The following HIRA variants were observed in gnomAD, a reference collection of about 807,000 sequenced individuals.
HIRA encodes protein HIRA.
Under a neutral mutation model 126.6 loss-of-function variants are expected in HIRA, and 13 were observed. The observed-to-expected ratio is 0.10, with a 90% CI of 0.07 to 0.16. The LOEUF (loss-of-function observed/expected upper bound fraction) is 0.16. Ranked by LOEUF, HIRA falls within the 10% of genes least tolerant of loss-of-function variation. HIRA has a pLI of 1.00. For synonymous variants in HIRA, 511 were observed against 520.0 expected, an observed-to-expected ratio of 0.98 and a Z score of 0.24; for missense variants, 834 against 1,314.4, an observed-to-expected ratio of 0.63 and a Z score of 5.65.
chr22:19,371,741 T>C (rs1376408358), intron 15 of HIRA, among the ~76,000 whole-genome samples: 1 of 152,254 alleles, frequency 6.6e-6, no homozygotes, highest in Non-Finnish European at 1.5e-5. Flanking sequence ...CCTTTGTGAC[T>C]GGCTTCTTTC....
intron 7 of HIRA, among the ~76,000 whole-genome samples, chr22:19,395,109 C>T (rs1055429087): frequency 3.3e-5 from 5 of 152,196 alleles, no homozygotes; most frequent in African/African-American, 1.2e-4. Flanking sequence ...ACTGCTCCCC[C>T]AGTCTGGACT....
chr22:19,405,113 C>T (rs1300335616), intron 5 of HIRA, among the ~76,000 whole-genome samples: 1 of 152,326 alleles, frequency 6.6e-6, no homozygotes, highest in East Asian at 1.9e-4. Context: ...GTGCTGCTCC[C>T]TGCCTTGTCT....
chr22:19,427,718 AAAGAGCTGAGCAT>A (rs2089499473), intron 1 of HIRA, among the ~76,000 whole-genome samples: 3 of 152,206 alleles, frequency 2.0e-5, no homozygotes, highest in Non-Finnish European at 2.9e-5. Context: ...TGGCTTCACC[AAAGAGCTGAGCAT>A]AAGCGCTGTC....
At chr22:19,356,794 T>C in intron 19 of HIRA, 96 bp downstream of exon 19, 2 of 1,265,396 alleles carry the variant, frequency 1.6e-6, no homozygotes, top group South Asian at 1.4e-5. Flanking sequence ...TGGCCAGCCT[T>C]GTCCACTGCC....
At chr22:19,360,782 T>C (rs1208649151) in intron 17 of HIRA, among the ~76,000 whole-genome samples, 3 of 152,240 alleles carry the variant, frequency 2.0e-5, no homozygotes, top group Non-Finnish European at 4.4e-5. Context: ...CAAGCTTCCA[T>C]TCCAAGAGCT....
chr22:19,383,550 A>T, intron 13 of HIRA, 70 bp downstream of exon 13: 1 of 1,241,892 alleles, frequency 8.1e-7, no homozygotes, highest in Non-Finnish European at 1.2e-6. Context: ...TCACTGTGAA[A>T]GTGTTAACCG....
At chr22:19,353,642 C>T (rs2088781632) in intron 22 of HIRA, 123 bp from the exon 23 acceptor site, 6 of 949,400 alleles carry the variant, frequency 6.3e-6, no homozygotes, top group Middle Eastern at 3.4e-4. Flanking sequence ...CAAGGCCTCC[C>T]GTCCACTAGC....
intron 9 of HIRA, among the ~76,000 whole-genome samples, chr22:19,389,980 A>G (rs534151454): frequency 2.7e-5 from 4 of 149,818 alleles, no homozygotes; most frequent in Non-Finnish European, 6.0e-5. Flanking sequence ...TTATAGGGAC[A>G]CTTTTTTACA....
intron 24 of HIRA, among the ~76,000 whole-genome samples, chr22:19,343,900 G>A (rs2088659353): frequency 6.7e-6 from 1 of 150,168 alleles, no homozygotes; most frequent in African/African-American, 2.4e-5. Flanking sequence ...GAGAGAGAGA[G>A]AGAGTCTTGC....
intron 15 of HIRA, among the ~76,000 whole-genome samples, chr22:19,363,244 C>CA (rs1031726527): frequency 1.5e-3 from 221 of 147,088 alleles, no homozygotes; most frequent in African/African-American, 3.3e-3. Context: ...AAAAAAAAAA[C>CA]AAAAAAAACA....
At chr22:19,395,630 T>C (rs1262389672) in intron 7 of HIRA, among the ~76,000 whole-genome samples, 1 of 152,204 alleles carries the variant, frequency 6.6e-6, no homozygotes, top group African/African-American at 2.4e-5. Flanking sequence ...AGTGGGCAAA[T>C]GCGTGCTCTT....
At chr22:19,359,109 C>T (rs1195814018) in intron 18 of HIRA, among the ~76,000 whole-genome samples, 6 of 152,142 alleles carry the variant, frequency 3.9e-5, no homozygotes, top group African/African-American at 1.4e-4. Context: ...CCCTCAAGGG[C>T]TCAGTTTCCC....
At position 19,385,722 on chromosome 22, in the gene HIRA, C is replaced by G; in HGVS notation, c.1128G>C (p.Gln376His). ...LSEEEKSRIH[Q>H]STYGKSLAIM... ...TGGCTAGGCTCTTGCCATAGGTGGA[C>G]TGGTGAATGCGGCTCTGGGGAAGCA... Residue 376 changes from glutamine to histidine, a missense_variant, in exon 12 of 25, where the codon CAG (glutamine) becomes CAC (histidine). Coordinates refer to ENST00000263208, the MANE Select transcript of HIRA (RefSeq NM_003325.4). 1 of 1,613,726 alleles carries G rather than the reference C, an allele frequency of 6.2e-7. No individual in the cohort carries two copies.
intron 9 of HIRA, among the ~76,000 whole-genome samples, chr22:19,389,601 A>G (rs1424179153): frequency 6.6e-6 from 1 of 152,084 alleles, no homozygotes; most frequent in African/African-American, 2.4e-5. Flanking sequence ...TCTCGCCTCC[A>G]CCTTAATTCC....
intron 1 of HIRA, among the ~76,000 whole-genome samples, chr22:19,421,024 G>A (rs1027472086): frequency 9.2e-5 from 14 of 152,136 alleles, no homozygotes; most frequent in African/African-American, 2.4e-4. Flanking sequence ...CAGGCTGGGC[G>A]CAGTGGCTCA....
intron 5 of HIRA, among the ~76,000 whole-genome samples, chr22:19,401,178 C>A (rs2089265741): frequency 6.6e-6 from 1 of 152,182 alleles, no homozygotes. Context: ...CTTGCCTAGG[C>A]CCCCAGCACC....
chr22:19,362,003 A>C, intron 15 of HIRA, 72 bp from the exon 16 acceptor site: 1 of 1,469,624 alleles, frequency 6.8e-7, no homozygotes, highest in Non-Finnish European at 9.4e-7. Flanking sequence ...TGAAATATTT[A>C]AAGTGCTTAA....
chr22:19,367,524 G>A (rs894083221), intron 15 of HIRA, among the ~76,000 whole-genome samples: 25 of 152,070 alleles, frequency 1.6e-4, no homozygotes, highest in African/African-American at 6.0e-4. Flanking sequence ...GCACCACCAC[G>A]CCCCGCTAAT....
intron 15 of HIRA, among the ~76,000 whole-genome samples, chr22:19,362,753 G>T (rs1373705039): frequency 6.6e-6 from 1 of 151,110 alleles, no homozygotes; most frequent in African/African-American, 2.4e-5. Flanking sequence ...TAGAGACAGG[G>T]TTTCATCATG....
Sources: gnomAD v4.1 joint callset for allele counts (sites outside exome capture counted in the v4.1 genomes callset) on GRCh38, gnomAD v4.1.1 for gene constraint, MANE v1.5 for transcripts, NCBI Gene and HGNC (gene_info 2026-07-23, HGNC 2026-07-21) for gene names.